WDR19: variants seen among roughly 807,000 people sequenced by gnomAD.
WDR19 encodes WD repeat domain 19, also known as WD repeat-containing protein 19.
A neutral mutation model predicts 180.0 loss-of-function variants in WDR19; 121 were observed. The ratio of observed to expected loss-of-function variants is 0.67; its 90% CI spans 0.58 to 0.78. The LOEUF (loss-of-function observed/expected upper bound fraction) is 0.78. Ranked by LOEUF, WDR19 falls within the 30% of genes least tolerant of loss-of-function variation. WDR19 has a pLI of 0.00. For synonymous variants in WDR19, 497 were observed against 540.7 expected (o/e 0.92, Z 1.12); for missense variants, 1,450 against 1,640.7 (o/e 0.88, Z 2.01).
chr4:39,212,210 T>G (rs946057311), intron 9 of WDR19, among the ~76,000 whole-genome samples: 3 of 151,990 alleles, frequency 2.0e-5, no homozygotes, highest in Non-Finnish European at 2.9e-5. Context: ...TTGACAAAGG[T>G]GAAAAATAAT....
chr4:39,198,540 G>C (rs1374489106), intron 5 of WDR19, among the ~76,000 whole-genome samples: 1 of 149,748 alleles, frequency 6.7e-6, no homozygotes, highest in Non-Finnish European at 1.5e-5. Flanking sequence ...CAGCCTGGGC[G>C]ACAGAGCGAG....
Position 39,199,561 on chromosome 4 carries a change from G to GT in WDR19, c.492dup (p.Ser165Ter), listed in dbSNP as rs753464652. 1 of 1,612,968 alleles carries GT rather than the reference G, an allele frequency of 6.2e-7. No homozygotes were observed. The highest frequency in any genetic ancestry group is 8.5e-7 in the Non-Finnish European group (1 of 1,179,386). On this transcript the variant is annotated frameshift_variant, in exon 6 of 37. Transcript: ENST00000399820. LOFTEE classifies it high-confidence loss of function. ...AGGTGGTGAAGATAAAATGATTACAGTTAGTAATCAGGAAGGTGACACGAT... is the reference window on the plus strand; with the variant it reads ...AGGTGGTGAAGATAAAATGATTACAGTTTAGTAATCAGGAAGGTGACACGAT...
chr4:39,225,018 A>G lies in WDR19; in HGVS notation c.1614A>G (p.Gly538=). The G allele has an allele frequency of 6.4e-7, 1 of 1,563,324 alleles. No homozygotes were observed. The highest frequency in any genetic ancestry group is 8.7e-7 in the Non-Finnish European group (1 of 1,155,608). ...TTTTCATTGATGAAAAAAGTGATGG[A>G]TTTGTTTACTGTCCAGTAAGTCTGG... The part of the protein sequence containing the change: ...RLVFIDEKSD[G]FVYCPVNDAT... The change falls in exon 15 of 37, where the codon GGA becomes GGG. Residue 538 remains glycine (G), a synonymous_variant. Coordinates refer to ENST00000399820, the MANE Select transcript of WDR19 (RefSeq NM_025132.4).
At chr4:39,269,665 G>A (rs1443534632) in intron 30 of WDR19, among the ~76,000 whole-genome samples, 1 of 152,158 alleles carries the variant, frequency 6.6e-6, no homozygotes, top group Admixed American at 6.5e-5. Context: ...GGGCAACATG[G>A]TGAAAACCTT....
intron 3 of WDR19, among the ~76,000 whole-genome samples, chr4:39,187,587 C>T (rs2109746577): frequency 6.6e-6 from 1 of 152,270 alleles, no homozygotes; most frequent in South Asian, 2.1e-4. Flanking sequence ...CCTGCCCCAC[C>T]CACCTAATGC....
intron 15 of WDR19, among the ~76,000 whole-genome samples, chr4:39,226,374 C>T (rs1730252182): frequency 6.6e-6 from 1 of 152,170 alleles, no homozygotes; most frequent in African/African-American, 2.4e-5. Context: ...GGAGACAGTT[C>T]TAGTACCTAC....
At chr4:39,285,412 G>T (rs1578084841) in intron 36 of WDR19, 75 bp from the exon 37 acceptor site, 2 of 152,126 alleles carry the variant, frequency 1.3e-5, no homozygotes, top group East Asian at 3.8e-4. Context: ...TTTTTAGTAT[G>T]TTTGGCTTTA....
intron 30 of WDR19, among the ~76,000 whole-genome samples, chr4:39,268,989 GA>G (rs1195051396): frequency 6.6e-6 from 1 of 152,146 alleles, no homozygotes; most frequent in Non-Finnish European, 1.5e-5. Context: ...CCTGAGTTTT[GA>G]AAGGATGGGG....
intron 31 of WDR19, among the ~76,000 whole-genome samples, chr4:39,271,695 G>A (rs1034035837): frequency 6.6e-6 from 1 of 152,162 alleles, no homozygotes; most frequent in Non-Finnish European, 1.5e-5. Context: ...ATTCATTTAT[G>A]TCGCAGTACA....
At position 39,285,702 on chromosome 4, in the gene WDR19, C is replaced by CTCT. The variant is rs1737134149; in HGVS notation, c.*229_*230insTCT. 6.6e-6 allele frequency: 1 copy of CTCT among 152,044 alleles called. No homozygotes were observed. The highest frequency in any genetic ancestry group is 2.4e-5 in the African/African-American group (1 of 41,392). The allele number at this position is 152,044 out of a possible 1,614,324, so 9.4% of individuals were successfully genotyped here. ...TTTCCTCTTCAAAGTCTTTCTTACA[C>CTCT]ACTCTATCCTCTGCACTGTTAATAG... is the stretch of plus-strand genomic sequence containing the variant. On this transcript the variant is annotated 3_prime_UTR_variant, in exon 37 of 37. Transcript: ENST00000399820.
At chr4:39,248,990 T>G (rs552556679) in intron 24 of WDR19, among the ~76,000 whole-genome samples, 12 of 152,300 alleles carry the variant, frequency 7.9e-5, no homozygotes, top group Admixed American at 6.5e-4. Context: ...AACTCAGCTC[T>G]GCACCAAGCA....
chr4:39,188,748 C>T (rs1725836481), intron 3 of WDR19, among the ~76,000 whole-genome samples: 2 of 151,742 alleles, frequency 1.3e-5, no homozygotes, highest in South Asian at 4.2e-4. Flanking sequence ...CTAGCTATAA[C>T]TTTGCTGCTT....
intron 3 of WDR19, among the ~76,000 whole-genome samples, chr4:39,189,167 G>A (rs1012581502): frequency 5.3e-5 from 8 of 151,954 alleles, no homozygotes; most frequent in African/African-American, 1.9e-4. Context: ...CAGGTGATCC[G>A]CTTGCCTCGG....
intron 15 of WDR19, among the ~76,000 whole-genome samples, chr4:39,225,892 A>C (rs1730202945): frequency 6.6e-6 from 1 of 151,798 alleles, no homozygotes; most frequent in East Asian, 1.9e-4. Flanking sequence ...TGACAAGTAT[A>C]ACAAATTTCC....
Position 39,216,107 on chromosome 4 carries a change from C to A in WDR19, c.1146C>A (p.Ile382=). The A allele has an allele frequency of 6.3e-7, 1 of 1,585,236 alleles. No homozygotes were observed. Among genetic ancestry groups the A allele is most frequent in the Non-Finnish European group, 8.6e-7 (1 of 1,165,180 alleles). The change falls in exon 12 of 37, where the codon ATC becomes ATA. Residue 382 remains isoleucine, a synonymous_variant. Coordinates refer to ENST00000399820, the MANE Select transcript of WDR19 (RefSeq NM_025132.4). ...TTTCTTTATTATAGGAGCTACCAAT[C>A]ACAGTTTCTGTTGATGTGGAACCCA... ...VANPVEGELP[I]TVSVDVEPNF...
At chr4:39,263,942 G>A (rs1005826071) in intron 28 of WDR19, among the ~76,000 whole-genome samples, 2 of 140,928 alleles carry the variant, frequency 1.4e-5, no homozygotes, top group South Asian at 2.3e-4. Context: ...AAAAAAAATA[G>A]GGACACCTAC....
rs187559874 is a variant in WDR19 at position 39,215,933 on chromosome 4, A to G, written c.1054A>G (p.Ile352Val). ...TCATGTTTTCCTGACCAAGCTTCCC[A>G]TACTTGGGGATGCCTGCAGCACAAG... ...SLHVFLTKLP[I>V]LGDACSTRIA... Residue 352 changes from isoleucine to valine, a missense_variant, in exon 11 of 37, where the codon ATA becomes GTA. Physicochemically the swap from Ile to Val is conservative, Grantham distance 29. Transcript: ENST00000399820. The G allele has an allele frequency of 5.6e-6, 9 of 1,613,744 alleles. No individual in the cohort carries two copies. The East Asian group carries it at 1.8e-4, about 32-fold the overall frequency.
chr4:39,283,243 T>C (rs1053310934), intron 36 of WDR19, among the ~76,000 whole-genome samples: 3 of 152,200 alleles, frequency 2.0e-5, no homozygotes, highest in Admixed American at 1.3e-4. Flanking sequence ...GTAAGGTATA[T>C]TGATTTTCAA....
intron 35 of WDR19, 146 bp from the exon 36 acceptor site, chr4:39,278,393 G>A: frequency 6.2e-6 from 5 of 809,728 alleles, no homozygotes; most frequent in Non-Finnish European, 9.7e-6. Context: ...TCTTGCATGA[G>A]ACTGAATAGT....
Sources: allele counts gnomAD v4.1 joint callset (sites outside exome capture counted in the v4.1 genomes callset), GRCh38; gene constraint gnomAD v4.1.1; transcripts MANE v1.5; gene names NCBI Gene and HGNC (gene_info 2026-07-23, HGNC 2026-07-21).